Variants in KCNIP1 observed in about 807,000 individuals in gnomAD.
KCNIP1 encodes A-type potassium channel modulatory protein KCNIP1.
KCNIP1 carries 18 observed loss-of-function variants against 33.0 expected under a neutral mutation model. The ratio of observed to expected loss-of-function variants is 0.55; its 90% CI spans 0.38 to 0.81. The LOEUF is 0.81. Among genes scored for constraint, KCNIP1 ranks in the 30% least tolerant of loss-of-function variants. The pLI, the probability that KCNIP1 is intolerant of heterozygous loss-of-function variation, is 0.00. For missense variants in KCNIP1, 238 were observed against 271.6 expected (o/e 0.88, Z 0.87); for synonymous variants, 93 against 98.3 (o/e 0.95, Z 0.32).
At chr5:170,575,888 A>C (rs1046132460) in intron 1 of KCNIP1, among the ~76,000 whole-genome samples, 2 of 152,206 alleles carry the variant, frequency 1.3e-5, no homozygotes, top group African/African-American at 2.4e-5. Flanking sequence ...TTTACTGAAA[A>C]GTTTAACCCA....
intron 1 of KCNIP1, among the ~76,000 whole-genome samples, chr5:170,495,302 A>G (rs944664114): frequency 3.3e-5 from 5 of 152,156 alleles, no homozygotes; most frequent in African/African-American, 1.2e-4. Context: ...GGGGCCTCCC[A>G]GGCTCTAGGA....
At chr5:170,481,795 C>T (rs2113166079) in intron 1 of KCNIP1, among the ~76,000 whole-genome samples, 1 of 152,224 alleles carries the variant, frequency 6.6e-6, no homozygotes, top group Non-Finnish European at 1.5e-5. Context: ...GAGAATGACC[C>T]CACCCATGCT....
chr5:170,388,559 A>C (rs1315079159), intron 1 of KCNIP1, among the ~76,000 whole-genome samples: 1 of 152,226 alleles, frequency 6.6e-6, no homozygotes, highest in Non-Finnish European at 1.5e-5. Flanking sequence ...GATTCAGAGA[A>C]GATGGAGAAG....
chr5:170,507,769 C>G (rs1054771462), intron 1 of KCNIP1, among the ~76,000 whole-genome samples: 1 of 152,246 alleles, frequency 6.6e-6, no homozygotes, highest in Non-Finnish European at 1.5e-5. Flanking sequence ...AGGGAGCGCT[C>G]TCTAAAGGCA....
intron 1 of KCNIP1, among the ~76,000 whole-genome samples, chr5:170,705,358 C>T (rs563807526): frequency 2.4e-4 from 37 of 152,326 alleles, no homozygotes; most frequent in African/African-American, 8.9e-4. Context: ...GACTGCACTC[C>T]TTGCATCTGG....
At chr5:170,484,305 C>G (rs1296954067) in intron 1 of KCNIP1, 1 of 152,280 alleles carries the variant, frequency 6.6e-6, no homozygotes, top group African/African-American at 2.4e-5. Context: ...AGCACGTGTT[C>G]CTCGGGGGCG....
At chr5:170,532,063 C>G (rs1238695657) in intron 1 of KCNIP1, among the ~76,000 whole-genome samples, 1 of 152,246 alleles carries the variant, frequency 6.6e-6, no homozygotes, top group African/African-American at 2.4e-5. Flanking sequence ...CCTCTGAGAT[C>G]CATGTGGAAG....
chr5:170,522,967 G>A (rs1755420984), intron 1 of KCNIP1, among the ~76,000 whole-genome samples: 1 of 152,200 alleles, frequency 6.6e-6, no homozygotes, highest in African/African-American at 2.4e-5. Flanking sequence ...TCTGACACTC[G>A]CCAGTGCCTT....
At chr5:170,463,078 C>T (rs546191183) in intron 1 of KCNIP1, among the ~76,000 whole-genome samples, 1 of 152,092 alleles carries the variant, frequency 6.6e-6, no homozygotes, top group South Asian at 2.1e-4. Context: ...AAAGGACTCA[C>T]TCATGTAACA....
chr5:170,396,022 T>C (rs76937121), intron 1 of KCNIP1, among the ~76,000 whole-genome samples: 20,541 of 152,180 alleles, frequency 0.13, 1,509 homozygotes, highest in Non-Finnish European at 0.17. Flanking sequence ...TCCACCACAG[T>C]GATGGGAGTA....
intron 1 of KCNIP1, among the ~76,000 whole-genome samples, chr5:170,515,671 C>T (rs182037609): frequency 1.3e-4 from 20 of 152,330 alleles, no homozygotes; most frequent in Non-Finnish European, 2.4e-4. Context: ...AAGCAAATGT[C>T]CAATGTCTCA....
intron 1 of KCNIP1, among the ~76,000 whole-genome samples, chr5:170,542,335 C>T (rs1756243159): frequency 6.6e-6 from 1 of 152,198 alleles, no homozygotes; most frequent in South Asian, 2.1e-4. Context: ...CCATGTGGCA[C>T]TGGGCAGGTT....
intron 1 of KCNIP1, among the ~76,000 whole-genome samples, chr5:170,411,540 C>A (rs1035272074): frequency 4.6e-5 from 7 of 152,144 alleles, no homozygotes; most frequent in Non-Finnish European, 7.3e-5. Context: ...GTGGTGATGT[C>A]TAGTGGAATC....
At chr5:170,459,028 A>G (rs967687735) in intron 1 of KCNIP1, among the ~76,000 whole-genome samples, 1 of 152,190 alleles carries the variant, frequency 6.6e-6, no homozygotes, top group East Asian at 1.9e-4. Context: ...CATTCTATGC[A>G]AATGGAGTAA....
At chr5:170,435,772 C>T (rs76549231) in intron 1 of KCNIP1, among the ~76,000 whole-genome samples, 2,717 of 152,264 alleles carry the variant, frequency 0.018, 82 homozygotes, top group African/African-American at 0.062. Flanking sequence ...GGAAACAATG[C>T]TATTGTTTTT....
intron 1 of KCNIP1, among the ~76,000 whole-genome samples, chr5:170,551,729 G>A (rs1284761008): frequency 6.6e-6 from 1 of 151,832 alleles, no homozygotes. Context: ...ATGAGTGCAT[G>A]TGTTTGAGTG....
chr5:170,541,480 G>A (rs1226094801), intron 1 of KCNIP1, among the ~76,000 whole-genome samples: 3 of 152,208 alleles, frequency 2.0e-5, no homozygotes, highest in Non-Finnish European at 4.4e-5. Flanking sequence ...TCAGCTGAAT[G>A]AATGATGCTC....
rs556437323 is a variant in KCNIP1, at chr5:170,364,379, T to C, written c.88+10415T>C. ...TCCCTTCCTTTTTAAGTTTGAACAATATTCCATTGTCTGGATACTACATTT... is the reference window on the plus strand; with the variant it reads ...TCCCTTCCTTTTTAAGTTTGAACAACATTCCATTGTCTGGATACTACATTT... On this transcript the variant is annotated intron_variant, in intron 1 of 7. Transcript: ENST00000377360. Among the ~76,000 whole-genome samples the C allele has an allele frequency of 1.7e-3, 265 of 152,334 alleles. 2 individuals carry two copies. The highest frequency in any genetic ancestry group is 5.9e-3 in the African/African-American group (247 of 41,558).
intron 1 of KCNIP1, among the ~76,000 whole-genome samples, chr5:170,566,141 G>A (rs562924848): frequency 2.6e-5 from 4 of 151,524 alleles, no homozygotes; most frequent in African/African-American, 4.9e-5. Context: ...CGATTCTCCC[G>A]CCTCAGCCTC....
Sources: allele counts gnomAD v4.1 joint callset (sites outside exome capture counted in the v4.1 genomes callset), GRCh38; gene constraint gnomAD v4.1.1; transcripts MANE v1.5; gene names NCBI Gene and HGNC (gene_info 2026-07-23, HGNC 2026-07-21).